The following PCDHGC3 variants were observed in gnomAD, a reference collection of about 807,000 sequenced individuals.
PCDHGC3 encodes protocadherin gamma subfamily C, 3, also known as protocadherin gamma-C3.
Under a neutral mutation model 59.2 loss-of-function variants are expected in PCDHGC3, and 26 were observed. The observed-to-expected ratio is 0.44, with a 90% CI of 0.32 to 0.61. The LOEUF (loss-of-function observed/expected upper bound fraction) is 0.61. Among genes scored for constraint, PCDHGC3 ranks in the 20% least tolerant of loss-of-function variants. The pLI is 0.05. For missense variants in PCDHGC3, 1,080 were observed against 1,221.8 expected (o/e 0.88, Z 1.73); for synonymous variants, 487 against 519.7 (o/e 0.94, Z 0.86).
rs962136728 is a variant in PCDHGC3 at position 141,491,524 on chromosome 5, G to A, written c.2431-3283G>A. 1 of 1,613,960 alleles carries A rather than the reference G, an allele frequency of 6.2e-7. No homozygotes were observed. The highest frequency in any genetic ancestry group is 1.3e-5 in the African/African-American group (1 of 74,936). On this transcript the variant is annotated intron_variant, in intron 1 of 3. Coordinates refer to ENST00000308177, the MANE Select transcript of PCDHGC3 (RefSeq NM_002588.4). The surrounding 1 kb of genome is among the most constrained non-coding windows in gnomAD (Gnocchi z 6.9). ...GGACGGCACGCTCAAGTACATGGAG[G>A]TGACGCTGCGGCCCACAGACTCGCA...
chr5:141,500,461 G>A (rs1343646600), intron 2 of PCDHGC3, among the ~76,000 whole-genome samples: 1 of 151,910 alleles, frequency 6.6e-6, no homozygotes, highest in Non-Finnish European at 1.5e-5. Flanking sequence ...CGCCCGCCTC[G>A]GCCTCCCAAA....
At chr5:141,497,553 T>C (rs2099777684) in intron 2 of PCDHGC3, among the ~76,000 whole-genome samples, 1 of 151,326 alleles carries the variant, frequency 6.6e-6, no homozygotes, top group South Asian at 2.1e-4. Context: ...TTTTTTTTTT[T>C]TTTTTAGACA....
Position 141,477,858 on chromosome 5 carries a change from C to T in PCDHGC3, c.1742C>T (p.Pro581Leu). 2 of 1,613,572 alleles carry T rather than the reference C, an allele frequency of 1.2e-6. No individual in the cohort carries two copies. Among genetic ancestry groups the T allele is most frequent in the Non-Finnish European group, 1.7e-6 (2 of 1,179,842 alleles). ...GGTGGGAGCTCGGTGGAGATGCTGC[C>T]TCGAGGTACCTCAGCTGGCCACCTA... ...RPGGSSVEMLPRGTSAGHLVS... is the reference protein window; with the variant it reads ...RPGGSSVEMLLRGTSAGHLVS... The change falls in exon 1 of 4, where the codon CCT becomes CTT. Residue 581 changes from proline (P) to leucine (L), a missense_variant. Transcript: ENST00000308177. This position sits in a 1 kb window ranked among gnomAD's most constrained non-coding sequence, Gnocchi z 4.9.
chr5:141,478,856 T>G (rs1372487685), intron 1 of PCDHGC3: 2 of 1,353,224 alleles, frequency 1.5e-6, no homozygotes, highest in Non-Finnish European at 2.0e-6. Flanking sequence ...AAACACAAGA[T>G]CTCAGCGATC....
chr5:141,485,340 C>A lies in PCDHGC3; in HGVS notation c.2430+6794C>A. 1 of 1,614,076 alleles carries A rather than the reference C, an allele frequency of 6.2e-7. No individual in the cohort carries two copies. On this transcript the variant is annotated intron_variant, in intron 1 of 3. Transcript: ENST00000308177. The surrounding 1 kb of genome is among the most constrained non-coding windows in gnomAD (Gnocchi z 5.7). ...GTCGCTCAAGATTTCCTGCTGGATA[C>A]GGACAGTCTGTCAGCTCGCAGGCTG...
Position 141,478,516 on chromosome 5 carries a change from G to A in PCDHGC3, c.2400G>A (p.Val800=), listed in dbSNP as rs769702987. The A allele has an allele frequency of 4.3e-6, 7 of 1,610,992 alleles. No homozygotes were observed. In the African/African-American group the frequency reaches 8.0e-5, roughly 18 times the overall value. ...RSCDPVFYRQ[V]LGAESAPPGQ... ...GTGATCCGGTGTTCTATAGGCAGGT[G>A]TTGGGTGCAGAGAGCGCCCCTCCCG... Residue 800 remains valine, a synonymous_variant, in exon 1 of 4, where the codon GTG becomes GTA. Transcript: ENST00000308177.
chr5:141,483,648 TTGTG>T (rs111458813), intron 1 of PCDHGC3, among the ~76,000 whole-genome samples: 10 of 149,592 alleles, frequency 6.7e-5, no homozygotes, highest in Non-Finnish European at 1.0e-4. Flanking sequence ...GGGTGTGTGT[TTGTG>T]TGTGTGTGTG....
rs767400679 is a variant in PCDHGC3, at chr5:141,476,863, C to T, written c.747C>T (p.Tyr249=). 2.2e-5 allele frequency: 35 copies of T among 1,613,740 alleles called. No individual in the cohort carries two copies. Among genetic ancestry groups the T allele is most frequent in the Non-Finnish European group, 2.8e-5 (33 of 1,180,062 alleles). The change falls in exon 1 of 4, where the codon TAC becomes TAT. Residue 249 remains tyrosine (Y), a synonymous_variant. Coordinates refer to ENST00000308177, the MANE Select transcript of PCDHGC3 (RefSeq NM_002588.4). The surrounding 1 kb of genome is among the most constrained non-coding windows in gnomAD (Gnocchi z 7.6). ...CGCCTGTCTTCAACCAGTCCTTGTA[C>T]CGGGCGCGCGTCCTGGAGGATGCAC... The part of the protein sequence containing the change: ...DNAPVFNQSL[Y]RARVLEDAPS...
Position 141,490,845 on chromosome 5 carries a change from G to T in PCDHGC3, c.2431-3962G>T, listed in dbSNP as rs748605746. The T allele has an allele frequency of 1.4e-5, 22 of 1,613,726 alleles. No individual in the cohort carries two copies. The highest frequency in any genetic ancestry group is 1.7e-5 in the Non-Finnish European group (20 of 1,179,894). On this transcript the variant is annotated intron_variant, in intron 1 of 3. Coordinates refer to ENST00000308177, the MANE Select transcript of PCDHGC3 (RefSeq NM_002588.4). This position sits in a 1 kb window ranked among gnomAD's most constrained non-coding sequence, Gnocchi z 5.4. ...TGCAGATGCTGCAGATTGTGGTGGG[G>T]GTTCGAGACTCCGGCTCTCCCCCAT...
intron 2 of PCDHGC3, among the ~76,000 whole-genome samples, chr5:141,497,336 A>G (rs558221190): frequency 1.6e-3 from 251 of 152,122 alleles, no homozygotes; most frequent in Non-Finnish European, 2.8e-3. Flanking sequence ...TTCACCATTG[A>G]ACCTGGAAGC....
chr5:141,476,687 A>G lies in PCDHGC3; in HGVS notation c.571A>G (p.Thr191Ala). 1 of 1,614,212 alleles carries G rather than the reference A, an allele frequency of 6.2e-7. No individual in the cohort carries two copies. Among genetic ancestry groups the G allele is most frequent in the Non-Finnish European group, 8.5e-7 (1 of 1,180,044 alleles). Residue 191 changes from threonine to alanine, a missense_variant, in exon 1 of 4, where the codon ACC (threonine) becomes GCC (alanine). Thr to Ala is a moderately conservative substitution (Grantham distance 58). Transcript: ENST00000308177. This position sits in a 1 kb window ranked among gnomAD's most constrained non-coding sequence, Gnocchi z 7.6. ...TCGCGTGCAGACGCGGGAGGACAGC[A>G]CCAAGTACGCGGAGCTGGTGTTGGA... is the stretch of plus-strand genomic sequence containing the variant. ...ALRVQTREDS[T>A]KYAELVLERA...
chr5:141,477,644 T>A lies in PCDHGC3; in HGVS notation c.1528T>A (p.Phe510Ile). The change falls in exon 1 of 4, where the codon TTC (phenylalanine) becomes ATC (isoleucine). Residue 510 changes from phenylalanine to isoleucine, a missense_variant. Physicochemically the swap from Phe to Ile is conservative, Grantham distance 21. Coordinates refer to ENST00000308177, the MANE Select transcript of PCDHGC3 (RefSeq NM_002588.4). The surrounding 1 kb of genome is among the most constrained non-coding windows in gnomAD (Gnocchi z 4.9). The part of the protein sequence containing the change: ...GAETGLVGRY[F>I]TINRDNGIVS... ...TGAAACCGGGCTAGTGGGTCGCTAT[T>A]TCACAATAAATCGTGACAATGGCAT... The A allele has an allele frequency of 6.2e-7, 1 of 1,614,200 alleles. No homozygotes were observed. Among genetic ancestry groups the A allele is most frequent in the Non-Finnish European group, 8.5e-7 (1 of 1,180,036 alleles).
At position 141,478,517 on chromosome 5, in the gene PCDHGC3, T is replaced by G. The variant is rs1593923092; in HGVS notation, c.2401T>G (p.Leu801Val). 1 of 1,611,116 alleles carries G rather than the reference T, an allele frequency of 6.2e-7. No individual in the cohort carries two copies. The highest frequency in any genetic ancestry group is 8.5e-7 in the Non-Finnish European group (1 of 1,178,618). The change falls in exon 1 of 4, where the codon TTG (leucine) becomes GTG (valine). Residue 801 changes from leucine to valine, a missense_variant. By Grantham distance (32) the Leu-to-Val change is conservative. Transcript: ENST00000308177. The stretch of plus-strand genomic sequence containing the variant: ...TGATCCGGTGTTCTATAGGCAGGTG[T>G]TGGGTGCAGAGAGCGCCCCTCCCGG... Reference protein sequence around the residue: ...SCDPVFYRQVLGAESAPPGQQ... With the variant: ...SCDPVFYRQVVGAESAPPGQQ...
chr5:141,491,136 G>A lies in PCDHGC3; in HGVS notation c.2431-3671G>A, dbSNP rs769904518. On this transcript the variant is annotated intron_variant, in intron 1 of 3. Coordinates refer to ENST00000308177, the MANE Select transcript of PCDHGC3 (RefSeq NM_002588.4). This position sits in a 1 kb window ranked among gnomAD's most constrained non-coding sequence, Gnocchi z 6.9. ...ACACTGGTGAGGTGCGCACAGCCCG[G>A]GCCTTACTGGAGGATGACTCTGACA... The A allele has an allele frequency of 2.4e-5, 38 of 1,614,030 alleles. 1 individual carries two copies. The South Asian group carries it at 4.1e-4, about 17-fold the overall frequency.
Position 141,476,782 on chromosome 5 carries a change from A to T in PCDHGC3, c.666A>T (p.Pro222=). Residue 222 remains proline, a synonymous_variant, in exon 1 of 4, where the codon CCA becomes CCT. Coordinates refer to ENST00000308177, the MANE Select transcript of PCDHGC3 (RefSeq NM_002588.4). The surrounding 1 kb of genome is among the most constrained non-coding windows in gnomAD (Gnocchi z 7.6). ...LVLTALDGGT[P]ALSASLPIHI... is the part of the protein sequence containing the mutation. ...TGACGGCGTTGGACGGAGGGACCCCAGCTCTCTCCGCCAGCCTGCCTATTC... is the reference window on the plus strand; with the variant it reads ...TGACGGCGTTGGACGGAGGGACCCCTGCTCTCTCCGCCAGCCTGCCTATTC... 6.2e-7 allele frequency: 1 copy of T among 1,613,568 alleles called. No individual in the cohort carries two copies. The highest frequency in any genetic ancestry group is 8.5e-7 in the Non-Finnish European group (1 of 1,179,996).
intron 1 of PCDHGC3, chr5:141,478,843 C>G: frequency 7.2e-7 from 1 of 1,398,442 alleles, no homozygotes; most frequent in South Asian, 1.5e-5. Flanking sequence ...GATGGTTAAG[C>G]TAAAACACAA....
At position 141,489,084 on chromosome 5, in the gene PCDHGC3, C is replaced by CCGG; in HGVS notation, c.2431-5723_2431-5722insCGG. ...CTCCCCCCTGCCCACCCCCGCCACT[C>CCGG]GGTGACTAAGAACTGCTGCAAGCAG... On this transcript the variant is annotated intron_variant, in intron 1 of 3. Coordinates refer to ENST00000308177, the MANE Select transcript of PCDHGC3 (RefSeq NM_002588.4). This position sits in a 1 kb window ranked among gnomAD's most constrained non-coding sequence, Gnocchi z 4.5. The CCGG allele has an allele frequency of 3.0e-6, 1 of 329,134 alleles. No homozygotes were observed. The highest frequency in any genetic ancestry group is 2.5e-5 in the African/African-American group (1 of 40,384). 20.4% of individuals were successfully genotyped at this position (329,134 alleles called of 1,614,324 possible). A position where few individuals can be genotyped will look rare whatever the true frequency, so the allele number is the denominator to read the frequency against.
chr5:141,490,544 A>G lies in PCDHGC3; in HGVS notation c.2431-4263A>G. 6.2e-7 allele frequency: 1 copy of G among 1,614,120 alleles called. No individual in the cohort carries two copies. Among genetic ancestry groups the G allele is most frequent in the Non-Finnish European group, 8.5e-7 (1 of 1,180,028 alleles). ...AGCGATGCTGGTTCACCTTCCCTAC[A>G]CAAACATCTCACCATCAGGCTCAAC... On this transcript the variant is annotated intron_variant, in intron 1 of 3. Transcript: ENST00000308177. This position sits in a 1 kb window ranked among gnomAD's most constrained non-coding sequence, Gnocchi z 5.4.
At chr5:141,505,298 T>TA in intron 2 of PCDHGC3, 95 bp from the exon 3 acceptor site, 1 of 1,586,334 alleles carries the variant, frequency 6.3e-7, no homozygotes, top group Non-Finnish European at 8.6e-7. Context: ...GGGGTAGGGT[T>TA]AGGGTACTAG....
Sources: allele counts gnomAD v4.1 joint callset (sites outside exome capture counted in the v4.1 genomes callset), GRCh38; gene constraint gnomAD v4.1.1; non-coding constraint Gnocchi (gnomAD v3.1); transcripts MANE v1.5; gene names NCBI Gene and HGNC (gene_info 2026-07-23, HGNC 2026-07-21).